The following RIMS1 variants were observed in gnomAD, a reference collection of about 807,000 sequenced individuals.
RIMS1 encodes the protein regulating synaptic membrane exocytosis protein 1.
A neutral mutation model predicts 214.1 loss-of-function variants in RIMS1; 83 were observed. The observed-to-expected ratio is 0.39, with a 90% CI of 0.32 to 0.47. The LOEUF (loss-of-function observed/expected upper bound fraction) is 0.47. RIMS1 is among the 20% of genes least tolerant of loss of function. The pLI is 0.99. For missense variants in RIMS1, 2,050 were observed against 2,161.8 expected, an observed-to-expected ratio of 0.95 and a Z score of 1.03; for synonymous variants, 793 against 786.8, an observed-to-expected ratio of 1.01 and a Z score of -0.13.
intron 22 of RIMS1, 183 bp downstream of exon 22, chr6:72,266,232 A>G: frequency 1.6e-6 from 1 of 633,796 alleles, no homozygotes; most frequent in Admixed American, 2.3e-5. Context: ...GGATAAACCC[A>G]AGGGTACACA....
At chr6:72,234,013 A>C (rs2063077100) in intron 7 of RIMS1, among the ~76,000 whole-genome samples, 173 bp downstream of exon 7, 1 of 152,050 alleles carries the variant, frequency 6.6e-6, no homozygotes, top group African/African-American at 2.4e-5. Context: ...AATTATAACA[A>C]ATTTTAAATT....
chr6:72,106,067 A>T (rs2034675831), intron 4 of RIMS1, among the ~76,000 whole-genome samples: 1 of 152,206 alleles, frequency 6.6e-6, no homozygotes, highest in South Asian at 2.1e-4. Flanking sequence ...TTGTTTTTAT[A>T]TATGGCCTTA....
At chr6:72,025,249 G>T (rs1183072832) in intron 2 of RIMS1, among the ~76,000 whole-genome samples, 1 of 152,000 alleles carries the variant, frequency 6.6e-6, no homozygotes, top group Non-Finnish European at 1.5e-5. Flanking sequence ...ATTTGTTTTA[G>T]ACTTTTACAG....
intron 2 of RIMS1, among the ~76,000 whole-genome samples, chr6:71,996,821 T>C (rs1458873525): frequency 6.6e-6 from 1 of 152,202 alleles, no homozygotes; most frequent in Non-Finnish European, 1.5e-5. Context: ...AAAGGAGTCT[T>C]ACTGCAAAGA....
At chr6:72,194,626 A>G (rs978110744) in intron 6 of RIMS1, among the ~76,000 whole-genome samples, 2 of 152,186 alleles carry the variant, frequency 1.3e-5, no homozygotes, top group Non-Finnish European at 2.9e-5. Flanking sequence ...TATTGATATA[A>G]TATTCCTATG....
chr6:72,045,005 A>G (rs1822541186), intron 2 of RIMS1, among the ~76,000 whole-genome samples: 1 of 151,948 alleles, frequency 6.6e-6, no homozygotes, highest in African/African-American at 2.4e-5. Context: ...CTATACTACT[A>G]CTAGTAAGCA....
chr6:72,003,938 A>C (rs1806327107), intron 2 of RIMS1, among the ~76,000 whole-genome samples: 1 of 150,924 alleles, frequency 6.6e-6, no homozygotes, highest in Non-Finnish European at 1.5e-5. Context: ...TTACATATGT[A>C]TACATGTGCC....
chr6:72,307,044 C>T (rs1406080279), intron 26 of RIMS1, among the ~76,000 whole-genome samples: 2 of 152,086 alleles, frequency 1.3e-5, no homozygotes, highest in African/African-American at 2.4e-5. Flanking sequence ...CTAACATTTA[C>T]GTTCCCCATT....
chr6:72,250,486 A>T, intron 13 of RIMS1, 26 bp downstream of exon 13: 1 of 1,466,580 alleles, frequency 6.8e-7, no homozygotes, highest in South Asian at 1.3e-5. Context: ...AGAAAAAAAA[A>T]ATCTTAAAAT....
At chr6:71,994,882 T>C (rs1405003942) in intron 2 of RIMS1, among the ~76,000 whole-genome samples, 1 of 152,244 alleles carries the variant, frequency 6.6e-6, no homozygotes, top group Non-Finnish European at 1.5e-5. Flanking sequence ...GCGGGTATAC[T>C]GCCCAGAACA....
chr6:72,250,854 A>G, intron 13 of RIMS1, 67 bp from the exon 14 acceptor site: 1 of 827,794 alleles, frequency 1.2e-6, no homozygotes, highest in East Asian at 2.7e-5. Flanking sequence ...TGGCAGTTTT[A>G]CATGTAACTA....
chr6:72,299,564 G>GTT (rs2094424377), intron 26 of RIMS1, among the ~76,000 whole-genome samples: 1 of 151,700 alleles, frequency 6.6e-6, no homozygotes, highest in Admixed American at 6.6e-5. Flanking sequence ...AAGTTCTCAA[G>GTT]TAAGTTAACT....
At chr6:72,176,449 A>G (rs2047719545) in intron 4 of RIMS1, among the ~76,000 whole-genome samples, 1 of 152,184 alleles carries the variant, frequency 6.6e-6, no homozygotes, top group Non-Finnish European at 1.5e-5. Context: ...ATTCTATTGT[A>G]ATCTTATATA....
chr6:72,302,039 A>G (rs553716608), intron 26 of RIMS1, among the ~76,000 whole-genome samples: 2 of 151,748 alleles, frequency 1.3e-5, no homozygotes, highest in East Asian at 1.9e-4. Context: ...CTATTGAAAT[A>G]CTATAGAATC....
chr6:72,006,046 G>T (rs961371287), intron 2 of RIMS1, among the ~76,000 whole-genome samples: 2 of 152,130 alleles, frequency 1.3e-5, no homozygotes, highest in African/African-American at 2.4e-5. Context: ...TTCTGGAAGT[G>T]GGGGCTTGCT....
chr6:72,147,380 C>A (rs934835837), intron 4 of RIMS1, among the ~76,000 whole-genome samples: 1 of 152,112 alleles, frequency 6.6e-6, no homozygotes, highest in Non-Finnish European at 1.5e-5. Context: ...GGGTGGAGCC[C>A]TTGAAGAAAC....
intron 2 of RIMS1, among the ~76,000 whole-genome samples, chr6:72,076,800 A>T (rs1321827042): frequency 6.6e-6 from 1 of 152,092 alleles, no homozygotes; most frequent in Non-Finnish European, 1.5e-5. Context: ...CCTCCAGCAT[A>T]AGCACTCTTT....
chr6:71,921,301 A>G (rs1779909145), intron 1 of RIMS1, among the ~76,000 whole-genome samples: 1 of 152,054 alleles, frequency 6.6e-6, no homozygotes, highest in Admixed American at 6.6e-5. Context: ...TTGTATTTTT[A>G]GTAGAGACGG....
At chr6:72,353,145 C>G (rs1001690027) in intron 29 of RIMS1, among the ~76,000 whole-genome samples, 1 of 151,684 alleles carries the variant, frequency 6.6e-6, no homozygotes, top group Non-Finnish European at 1.5e-5. Flanking sequence ...CTACCACGCT[C>G]AGCTAGTTTT....
Sources: gnomAD v4.1 joint callset for allele counts (sites outside exome capture counted in the v4.1 genomes callset) on GRCh38, gnomAD v4.1.1 for gene constraint, MANE v1.5 for transcripts, NCBI Gene and HGNC (gene_info 2026-07-23, HGNC 2026-07-21) for gene names.